Variants in TCF7L1 observed in about 807,000 individuals in gnomAD.
TCF7L1 encodes transcription factor 7 like 1, also known as transcription factor 7-like 1.
A neutral mutation model predicts 63.7 loss-of-function variants in TCF7L1; 18 were observed. That is an observed-to-expected ratio of 0.28 (90% confidence interval 0.20 to 0.42). TCF7L1 has a LOEUF of 0.42. Ranked by LOEUF, TCF7L1 falls within the 10% of genes least tolerant of loss-of-function variation. TCF7L1 has a pLI of 1.00. For synonymous variants in TCF7L1, 355 were observed against 340.9 expected (o/e 1.04, Z -0.46); for missense variants, 654 against 779.3 (o/e 0.84, Z 1.91).
At chr2:85,179,217 T>G (rs941294708) in intron 3 of TCF7L1, among the ~76,000 whole-genome samples, 6 of 152,186 alleles carry the variant, frequency 3.9e-5, no homozygotes, top group African/African-American at 1.4e-4. Flanking sequence ...GGGAATGAAA[T>G]TGGGACCACC....
intron 3 of TCF7L1, chr2:85,217,084 A>G (rs759531912): frequency 9.2e-5 from 14 of 152,224 alleles, no homozygotes; most frequent in East Asian, 1.9e-4. Context: ...GGAATCCCAC[A>G]TGTGTGTTGA....
chr2:85,141,339 T>G (rs1022116269), intron 3 of TCF7L1, among the ~76,000 whole-genome samples: 8 of 152,004 alleles, frequency 5.3e-5, no homozygotes, highest in African/African-American at 1.7e-4. Flanking sequence ...AGTGGTGGTG[T>G]TAAAGGTAGA....
chr2:85,230,078 T>A (rs1157080784), intron 3 of TCF7L1, among the ~76,000 whole-genome samples: 1 of 152,218 alleles, frequency 6.6e-6, no homozygotes, highest in Admixed American at 6.5e-5. Context: ...TTTCTGCTTC[T>A]TTCTCTTTTT....
chr2:85,138,040 A>T (rs769417512), intron 3 of TCF7L1, among the ~76,000 whole-genome samples: 1 of 152,204 alleles, frequency 6.6e-6, no homozygotes, highest in Non-Finnish European at 1.5e-5. Flanking sequence ...AAGTAATTTG[A>T]CTGTGACCAT....
intron 4 of TCF7L1, among the ~76,000 whole-genome samples, chr2:85,288,620 T>C (rs956418969): frequency 6.6e-5 from 10 of 152,294 alleles, no homozygotes; most frequent in African/African-American, 2.2e-4. Context: ...TAGTGAGTCA[T>C]GTAGAAGCTG....
At chr2:85,229,598 TAG>T (rs1164913040) in intron 3 of TCF7L1, among the ~76,000 whole-genome samples, 2 of 152,056 alleles carry the variant, frequency 1.3e-5, no homozygotes, top group South Asian at 4.2e-4. Flanking sequence ...CTTGAGCTAC[TAG>T]AGAGAGAGAG....
At chr2:85,254,823 G>A (rs1218618361) in intron 3 of TCF7L1, among the ~76,000 whole-genome samples, 3 of 152,216 alleles carry the variant, frequency 2.0e-5, no homozygotes, top group Non-Finnish European at 1.5e-5. Context: ...GCCTAGATGA[G>A]GAGGCACAGG....
intron 3 of TCF7L1, among the ~76,000 whole-genome samples, chr2:85,254,723 C>T (rs1680669680): frequency 6.6e-6 from 1 of 152,168 alleles, no homozygotes; most frequent in Non-Finnish European, 1.5e-5. Context: ...AATAGCCTCG[C>T]CAATCTGCAC....
At chr2:85,196,519 G>A (rs941367576) in intron 3 of TCF7L1, among the ~76,000 whole-genome samples, 1 of 151,962 alleles carries the variant, frequency 6.6e-6, no homozygotes, top group African/African-American at 2.4e-5. Context: ...CTGGTGGTAG[G>A]TCCCAGCCAT....
intron 3 of TCF7L1, among the ~76,000 whole-genome samples, chr2:85,242,895 T>C (rs181847664): frequency 2.0e-5 from 3 of 152,340 alleles, no homozygotes; most frequent in East Asian, 3.8e-4. Context: ...TTAAAAACTA[T>C]TGAATGAAAG....
rs774050758 is a variant in TCF7L1, at chr2:85,294,026, A to ATTTTTTTTTTTTTTTTTTTTT, written c.526-8450_526-8430dup. Among the ~76,000 whole-genome samples, 5 of 59,484 alleles carry ATTTTTTTTTTTTTTTTTTTTT rather than the reference A, an allele frequency of 8.4e-5. 1 individual carries two copies. Among genetic ancestry groups the ATTTTTTTTTTTTTTTTTTTTT allele is most frequent in the Admixed American group, 4.6e-4 (2 of 4,328 alleles). 39.0% of individuals were successfully genotyped at this position (59,484 alleles called of 152,430 possible). A position where few individuals can be genotyped will look rare whatever the true frequency, so the allele number is the denominator to read the frequency against. On this transcript the variant is annotated intron_variant, in intron 4 of 11. Coordinates refer to ENST00000282111, the MANE Select transcript of TCF7L1 (RefSeq NM_031283.3). ...ATTTAGGTGTGGCCTGAACACTGGG[A>ATTTTTTTTTTTTTTTTTTTTT]TTTTTTTTTTTTTTTTTTTTTTTTT... is the stretch of plus-strand genomic sequence containing the variant.
chr2:85,227,754 G>T lies in TCF7L1; in HGVS notation c.442-55741G>T, dbSNP rs536638090. 2.6e-4 allele frequency among the ~76,000 whole-genome samples: 40 copies of T among 152,084 alleles called. 1 individual carries two copies. The South Asian group carries it at 6.0e-3, about 23-fold the overall frequency. ...CTCACACCTATAATCCCAACACTTT[G>T]CGGCCCAAGGTGGGAGGATCTCTTG... On this transcript the variant is annotated intron_variant, in intron 3 of 11. Coordinates refer to ENST00000282111, the MANE Select transcript of TCF7L1 (RefSeq NM_031283.3).
rs1254166726 is a variant in TCF7L1 at position 85,308,413 on chromosome 2, CCCCT to C, written c.1334-615_1334-612del. Among the ~76,000 whole-genome samples the C allele has an allele frequency of 1.7e-5, 2 of 120,118 alleles. 1 individual carries two copies. The highest frequency in any genetic ancestry group is 6.5e-5 in the African/African-American group (2 of 30,684). 78.8% of individuals were successfully genotyped at this position (120,118 alleles called of 152,430 possible). Reference sequence around the variant, plus strand: ...CCTCCCATTCTCCTTCCCTCCCTTTCCCCTTCCCTCCCTCCTTTTCTCCCTCCCT... The same window carrying C: ...CCTCCCATTCTCCTTCCCTCCCTTTCTCCCTCCCTCCTTTTCTCCCTCCCT... On this transcript the variant is annotated intron_variant, in intron 11 of 11. Coordinates refer to ENST00000282111, the MANE Select transcript of TCF7L1 (RefSeq NM_031283.3).
intron 3 of TCF7L1, among the ~76,000 whole-genome samples, chr2:85,246,563 G>A (rs886287012): frequency 6.6e-6 from 1 of 152,202 alleles, no homozygotes; most frequent in Non-Finnish European, 1.5e-5. Context: ...GCTTATTGAG[G>A]TGATGGATTT....
At position 85,134,263 on chromosome 2, in the gene TCF7L1, T is replaced by C. The variant is rs1015830639; in HGVS notation, c.314-60T>C. 49 of 1,503,910 alleles carry C rather than the reference T, an allele frequency of 3.3e-5. No homozygotes were observed. The African/African-American group carries it at 6.3e-4, about 19-fold the overall frequency. The allele number at this position is 1,503,910 out of a possible 1,614,324, so 93.2% of individuals were successfully genotyped here. A position where few individuals can be genotyped will look rare whatever the true frequency, so the allele number is the denominator to read the frequency against. ...TCCCCAGCTCCCGCCTCGAGCCCCC[T>C]GCCGCGGCGCTGTCAGTCCCGGGGG... On this transcript the variant is annotated intron_variant, in intron 2 of 11. Transcript: ENST00000282111. This position sits in a 1 kb window ranked among gnomAD's most constrained non-coding sequence, Gnocchi z 5.0.
intron 3 of TCF7L1, among the ~76,000 whole-genome samples, chr2:85,254,303 T>G (rs1680656557): frequency 1.3e-5 from 2 of 152,382 alleles, no homozygotes; most frequent in Admixed American, 1.3e-4. Flanking sequence ...TTAGGGGGTC[T>G]TCTGAATTAT....
At chr2:85,211,862 G>A (rs2104290271) in intron 3 of TCF7L1, among the ~76,000 whole-genome samples, 1 of 152,220 alleles carries the variant, frequency 6.6e-6, no homozygotes, top group African/African-American at 2.4e-5. Context: ...GGCCGAGGCG[G>A]GTGGGTCACC....
chr2:85,212,089 C>CAAAAAAAAA (rs61280306), intron 3 of TCF7L1, among the ~76,000 whole-genome samples: 3 of 69,808 alleles, frequency 4.3e-5, no homozygotes, highest in Non-Finnish European at 5.4e-5. Flanking sequence ...GACTCCATCT[C>CAAAAAAAAA]AAAAAAAAAA....
Position 85,268,213 on chromosome 2 carries a change from G to T in TCF7L1, c.442-15282G>T, listed in dbSNP as rs145383080. Among the ~76,000 whole-genome samples, 860 of 152,280 alleles carry T rather than the reference G, an allele frequency of 5.6e-3. 10 individuals carry two copies. Among genetic ancestry groups the T allele is most frequent in the African/African-American group, 0.019 (775 of 41,542 alleles). On this transcript the variant is annotated intron_variant, in intron 3 of 11. Transcript: ENST00000282111. ...CCTCTATCCATCATTCTCCCAAAAG[G>T]TGATGGTTTCTCTGTTCTCACCCTA...
Sources: allele counts gnomAD v4.1 joint callset (sites outside exome capture counted in the v4.1 genomes callset), GRCh38; gene constraint gnomAD v4.1.1; non-coding constraint Gnocchi (gnomAD v3.1); transcripts MANE v1.5; gene names NCBI Gene and HGNC (gene_info 2026-07-23, HGNC 2026-07-21).